WWC2: variants seen among roughly 807,000 people sequenced by gnomAD.
WWC2 encodes protein WWC2.
A neutral mutation model predicts 138.5 loss-of-function variants in WWC2; 101 were observed. That is an observed-to-expected ratio of 0.73 (90% CI 0.62 to 0.86). The LOEUF is 0.86. WWC2 is among the 40% of genes least tolerant of loss of function. WWC2 has a pLI of 0.00. For synonymous variants in WWC2, 558 were observed against 538.4 expected (o/e 1.04, Z -0.50); for missense variants, 1,420 against 1,419.4 (o/e 1.00, Z -0.01).
At chr4:183,285,157 T>C (rs1307028924) in intron 19 of WWC2, among the ~76,000 whole-genome samples, 1 of 152,112 alleles carries the variant, frequency 6.6e-6, no homozygotes, top group African/African-American at 2.4e-5. Context: ...TGAAGTATCT[T>C]GGAAGGGGAT....
intron 2 of WWC2, among the ~76,000 whole-genome samples, chr4:183,196,387 C>T (rs1327942883): frequency 2.6e-5 from 4 of 152,210 alleles, no homozygotes; most frequent in African/African-American, 4.8e-5. Context: ...TGTTCACATA[C>T]GTGACCACAC....
chr4:183,289,130 C>T (rs531902765), intron 20 of WWC2, among the ~76,000 whole-genome samples: 2 of 152,334 alleles, frequency 1.3e-5, no homozygotes, highest in Admixed American at 1.3e-4. Context: ...CTGATGGAGC[C>T]TCCCTCTGTG....
intron 21 of WWC2, among the ~76,000 whole-genome samples, chr4:183,297,161 C>A (rs1371306155): frequency 6.6e-6 from 1 of 151,680 alleles, no homozygotes; most frequent in Non-Finnish European, 1.5e-5. Flanking sequence ...TTTGTAGAAA[C>A]CGGGTTTCAC....
intron 1 of WWC2, among the ~76,000 whole-genome samples, chr4:183,120,997 A>G (rs1379177686): frequency 1.3e-5 from 2 of 152,288 alleles, no homozygotes; most frequent in East Asian, 3.9e-4. Flanking sequence ...CCGGCAGATC[A>G]CTTGAGCCCA....
At chr4:183,167,594 C>T (rs1734161171) in intron 1 of WWC2, among the ~76,000 whole-genome samples, 1 of 152,074 alleles carries the variant, frequency 6.6e-6, no homozygotes, top group Non-Finnish European at 1.5e-5. Flanking sequence ...TGGATGGTCC[C>T]CCTAGCTTTG....
chr4:183,292,963 G>A (rs999772354), intron 21 of WWC2, among the ~76,000 whole-genome samples: 1 of 152,182 alleles, frequency 6.6e-6, no homozygotes, highest in South Asian at 2.1e-4. Context: ...CTTTGGTTTG[G>A]TTTTTTGAGA....
chr4:183,145,351 TA>T (rs1321342980), intron 1 of WWC2, among the ~76,000 whole-genome samples: 3 of 152,218 alleles, frequency 2.0e-5, no homozygotes, highest in Admixed American at 6.5e-5. Flanking sequence ...TTATTTTTTT[TA>T]TTGTTAAAAA....
At chr4:183,268,875 C>T in intron 14 of WWC2, 96 bp from the exon 15 acceptor site, 2 of 1,283,038 alleles carry the variant, frequency 1.6e-6, no homozygotes, top group Non-Finnish European at 2.2e-6. Context: ...TCCACGATCC[C>T]TCATTTTCTC....
chr4:183,282,683 G>T (rs1280126223), intron 17 of WWC2, 25 bp from the exon 18 acceptor site: 1 of 1,554,074 alleles, frequency 6.4e-7, no homozygotes, highest in Non-Finnish European at 8.7e-7. Flanking sequence ...CCTACCAAAA[G>T]TGTTTTGTTT....
At chr4:183,184,640 G>A (rs542422471) in intron 1 of WWC2, among the ~76,000 whole-genome samples, 1 of 152,118 alleles carries the variant, frequency 6.6e-6, no homozygotes, top group Non-Finnish European at 1.5e-5. Flanking sequence ...GTCAATACTC[G>A]TGTCTTTTGT....
intron 17 of WWC2, 63 bp from the exon 18 acceptor site, chr4:183,282,645 C>A: frequency 6.8e-7 from 1 of 1,472,008 alleles, no homozygotes; most frequent in Non-Finnish European, 9.3e-7. Context: ...TTAGCATGCC[C>A]AGGTTGCGTG....
intron 2 of WWC2, among the ~76,000 whole-genome samples, chr4:183,202,727 A>G (rs1735336634): frequency 6.6e-6 from 1 of 152,166 alleles, no homozygotes; most frequent in African/African-American, 2.4e-5. Flanking sequence ...AGCTGACTCT[A>G]TCCCATTTTC....
intron 2 of WWC2, among the ~76,000 whole-genome samples, chr4:183,199,918 A>G (rs1181874857): frequency 3.3e-5 from 5 of 152,242 alleles, no homozygotes; most frequent in Admixed American, 1.3e-4. Context: ...TCTTAATAAA[A>G]AATACCACAT....
intron 1 of WWC2, among the ~76,000 whole-genome samples, chr4:183,154,579 T>C (rs1269703003): frequency 6.6e-6 from 1 of 152,190 alleles, no homozygotes; most frequent in African/African-American, 2.4e-5. Flanking sequence ...TGGCTACATC[T>C]TGCATAGAGA....
In WWC2 at chr4:183,265,751, G is replaced by A; in HGVS notation, c.2103G>A (p.Gln701=). 2 of 1,611,384 alleles carry A rather than the reference G, an allele frequency of 1.2e-6. No homozygotes were observed. The highest frequency in any genetic ancestry group is 2.2e-5 in the South Asian group (2 of 90,210). ...ATGTAGCCATTGTAGAGACCGCCCA[G>A]GTTCAGATAGGACTCAGGTAAGGAA... ...EEDVAIVETA[Q]VQIGLRYNAK... is the part of the protein sequence containing the mutation. The change falls in exon 13 of 23, where the codon CAG becomes CAA. Residue 701 remains glutamine (Q), a synonymous_variant. Coordinates refer to ENST00000403733, the MANE Select transcript of WWC2 (RefSeq NM_024949.6).
At chr4:183,278,494 GT>G (rs1737943008) in intron 16 of WWC2, among the ~76,000 whole-genome samples, 1 of 151,704 alleles carries the variant, frequency 6.6e-6, no homozygotes, top group Non-Finnish European at 1.5e-5. Flanking sequence ...CTTTAAAGTA[GT>G]TTTTTCAAAT....
chr4:183,250,761 TAGG>T (rs1736954514), intron 8 of WWC2, among the ~76,000 whole-genome samples: 1 of 152,170 alleles, frequency 6.6e-6, no homozygotes, highest in African/African-American at 2.4e-5. Context: ...GGTTATTATT[TAGG>T]AGGACATTGG....
At chr4:183,112,765 G>C (rs1476892395) in intron 1 of WWC2, among the ~76,000 whole-genome samples, 1 of 152,078 alleles carries the variant, frequency 6.6e-6, no homozygotes, top group Non-Finnish European at 1.5e-5. Context: ...GGTGGGAGCT[G>C]CTTTGGGTTA....
intron 16 of WWC2, among the ~76,000 whole-genome samples, chr4:183,275,654 A>G (rs1737828555): frequency 6.6e-6 from 1 of 152,126 alleles, no homozygotes; most frequent in Non-Finnish European, 1.5e-5. Context: ...GATAAATCTC[A>G]CTTGGTCATA....
Sources: allele counts gnomAD v4.1 joint callset (sites outside exome capture counted in the v4.1 genomes callset), GRCh38; gene constraint gnomAD v4.1.1; transcripts MANE v1.5; gene names NCBI Gene and HGNC (gene_info 2026-07-23, HGNC 2026-07-21).